TAS2R1: variants seen among roughly 807,000 people sequenced by gnomAD.
TAS2R1 encodes taste 2 receptor member 1, also known as taste receptor type 2 member 1.
For synonymous variants in TAS2R1, 141 were observed against 134.2 expected, an observed-to-expected ratio of 1.05 and a Z score of -0.35; for missense variants, 370 against 353.4, an observed-to-expected ratio of 1.05 and a Z score of -0.38.
the TAS2R1 span, among the ~76,000 whole-genome samples, chr5:9,769,184 C>T: frequency 6.6e-6 from 1 of 152,092 alleles, no homozygotes; most frequent in Non-Finnish European, 1.5e-5. Context: ...TCTTTCTGTG[C>T]CTGGTTTATT....
chr5:9,821,562 A>G, the TAS2R1 span, among the ~76,000 whole-genome samples: 1 of 152,246 alleles, frequency 6.6e-6, no homozygotes, highest in African/African-American at 2.4e-5. Context: ...AAATGAAGAA[A>G]CAAGAGCATG....
the TAS2R1 span, among the ~76,000 whole-genome samples, chr5:9,739,132 GTTC>G: frequency 6.6e-6 from 1 of 152,194 alleles, no homozygotes; most frequent in Non-Finnish European, 1.5e-5. Context: ...TCATTTCCAA[GTTC>G]TTCTTTTTCC....
chr5:9,864,353 T>C, the TAS2R1 span, among the ~76,000 whole-genome samples: 4,606 of 152,110 alleles, frequency 0.03, 91 homozygotes, highest in Non-Finnish European at 0.048. Flanking sequence ...CCTGGCCGGG[T>C]GCAGTGGCTC....
the TAS2R1 span, among the ~76,000 whole-genome samples, chr5:9,754,018 G>T: frequency 6.6e-6 from 1 of 152,072 alleles, no homozygotes; most frequent in East Asian, 1.9e-4. Flanking sequence ...ATAAAATACT[G>T]GCAAACCAAA....
intron 2 of TAS2R1, among the ~76,000 whole-genome samples, chr5:9,652,801 T>C (rs1740332710): frequency 6.6e-6 from 1 of 152,206 alleles, no homozygotes; most frequent in Admixed American, 6.5e-5. Context: ...CTTATCTCAT[T>C]TGAGTGAGTG....
At chr5:9,681,820 C>T (rs1472053897) in intron 1 of TAS2R1, among the ~76,000 whole-genome samples, 1 of 152,132 alleles carries the variant, frequency 6.6e-6, no homozygotes, top group Non-Finnish European at 1.5e-5. Context: ...GTTAGAAATG[C>T]CGAATCTCAA....
At chr5:9,700,344 A>C (rs185618694) in intron 1 of TAS2R1, among the ~76,000 whole-genome samples, 1 of 152,312 alleles carries the variant, frequency 6.6e-6, no homozygotes, top group East Asian at 1.9e-4. Flanking sequence ...CCAATTTAAC[A>C]AGTAATACGA....
At chr5:9,879,240 T>C in the TAS2R1 span, among the ~76,000 whole-genome samples, 1 of 152,242 alleles carries the variant, frequency 6.6e-6, no homozygotes, top group African/African-American at 2.4e-5. Flanking sequence ...CAGGAACAGT[T>C]ACAGTTCTGG....
intron 2 of TAS2R1, among the ~76,000 whole-genome samples, chr5:9,647,849 T>C (rs192806998): frequency 1.3e-4 from 20 of 152,294 alleles, no homozygotes; most frequent in Admixed American, 3.3e-4. Flanking sequence ...CTGCCTGGCA[T>C]GAAACATCAT....
the TAS2R1 span, among the ~76,000 whole-genome samples, chr5:9,773,126 T>C: frequency 6.6e-6 from 1 of 152,034 alleles, no homozygotes; most frequent in Non-Finnish European, 1.5e-5. Context: ...GGTGACTTTG[T>C]CTGGTGGTGT....
chr5:9,697,394 G>A (rs1741382766), intron 1 of TAS2R1, among the ~76,000 whole-genome samples: 2 of 151,282 alleles, frequency 1.3e-5, no homozygotes, highest in African/African-American at 4.9e-5. Flanking sequence ...AATTATTCAG[G>A]GCATTAAAAA....
At chr5:9,803,745 C>T in the TAS2R1 span, among the ~76,000 whole-genome samples, 1 of 152,138 alleles carries the variant, frequency 6.6e-6, no homozygotes, top group East Asian at 1.9e-4. Flanking sequence ...ACAAGGAGCT[C>T]TAAATCTTGA....
At chr5:9,780,869 G>C in the TAS2R1 span, among the ~76,000 whole-genome samples, 1 of 152,198 alleles carries the variant, frequency 6.6e-6, no homozygotes, top group South Asian at 2.1e-4. Context: ...AGTAGTTGCA[G>C]GTCTTAAGAG....
chr5:9,758,950 CT>C, the TAS2R1 span, among the ~76,000 whole-genome samples: 193 of 152,204 alleles, frequency 1.3e-3, no homozygotes, highest in African/African-American at 4.5e-3. Context: ...TGAAAAAACG[CT>C]GATATTTAAG....
the TAS2R1 span, among the ~76,000 whole-genome samples, chr5:9,898,940 AT>A: frequency 6.6e-6 from 1 of 152,166 alleles, no homozygotes; most frequent in African/African-American, 2.4e-5. Flanking sequence ...ACATTTACAG[AT>A]GGAGGTCGTT....
At chr5:9,647,891 G>A (rs1435049695) in intron 2 of TAS2R1, among the ~76,000 whole-genome samples, 1 of 152,140 alleles carries the variant, frequency 6.6e-6, no homozygotes, top group Non-Finnish European at 1.5e-5. Context: ...TGAAGAGGAA[G>A]AAATTTGAAT....
At chr5:9,713,782 T>C (rs1734749859), upstream of TAS2R1, 1 of 152,196 alleles carries the variant, frequency 6.6e-6, no homozygotes, top group African/African-American at 2.4e-5. Flanking sequence ...ATTGATCACT[T>C]ACGATCTTTC....
intron 2 of TAS2R1, among the ~76,000 whole-genome samples, chr5:9,656,899 T>A (rs879648036): frequency 6.6e-6 from 1 of 152,326 alleles, no homozygotes; most frequent in South Asian, 2.1e-4. Context: ...TCTTTGTTCA[T>A]TGGTTGTAAG....
At chr5:9,872,039 T>C in the TAS2R1 span, among the ~76,000 whole-genome samples, 1 of 151,980 alleles carries the variant, frequency 6.6e-6, no homozygotes, top group Admixed American at 6.5e-5. Flanking sequence ...TAAAGTTATA[T>C]ATGGGCATAA....
Sources: allele counts gnomAD v4.1 joint callset (sites outside exome capture counted in the v4.1 genomes callset), GRCh38; gene constraint gnomAD v4.1.1; transcripts MANE v1.5; gene names NCBI Gene and HGNC (gene_info 2026-07-23, HGNC 2026-07-21).